The following ARHGAP15 variants were observed in gnomAD, a reference collection of about 807,000 sequenced individuals.
ARHGAP15 encodes rho GTPase-activating protein 15.
In ARHGAP15, 51 loss-of-function variants were observed where a neutral mutation model predicts 63.7. The ratio of observed to expected loss-of-function variants is 0.80; its 90% CI spans 0.64 to 1.01. The LOEUF is 1.01. Among genes scored for constraint, ARHGAP15 ranks in the 50% least tolerant of loss-of-function variants. The pLI, the probability that ARHGAP15 is intolerant of heterozygous loss-of-function variation, is 0.00. For synonymous variants in ARHGAP15, 191 were observed against 193.8 expected, an observed-to-expected ratio of 0.99 and a Z score of 0.12; for missense variants, 560 against 564.6, an observed-to-expected ratio of 0.99 and a Z score of 0.08.
At chr2:143,501,706 T>C (rs36097101) in intron 9 of ARHGAP15, among the ~76,000 whole-genome samples, 40,268 of 152,136 alleles carry the variant, frequency 0.26, 6,126 homozygotes, top group East Asian at 0.71. Flanking sequence ...TGGTTAGAAA[T>C]ATACTACTAA....
chr2:143,549,200 T>G (rs1695457848), intron 10 of ARHGAP15, among the ~76,000 whole-genome samples: 1 of 152,188 alleles, frequency 6.6e-6, no homozygotes, highest in Admixed American at 6.6e-5. Context: ...TTAAAGTTCT[T>G]TTTTATGAAA....
At chr2:143,760,174 C>A (rs1390398012) in intron 13 of ARHGAP15, among the ~76,000 whole-genome samples, 2 of 152,130 alleles carry the variant, frequency 1.3e-5, no homozygotes, top group African/African-American at 2.4e-5. Context: ...TAAATGGTTA[C>A]ATCGAGTTCC....
At chr2:143,155,347 C>T in intron 1 of ARHGAP15, 130 bp from the exon 2 acceptor site, 2 of 837,950 alleles carry the variant, frequency 2.4e-6, no homozygotes, top group Non-Finnish European at 3.5e-6. Flanking sequence ...TTTTTCTTCA[C>T]TAGTCAGAGA....
intron 12 of ARHGAP15, among the ~76,000 whole-genome samples, chr2:143,693,646 A>C (rs905521552): frequency 6.6e-6 from 1 of 152,180 alleles, no homozygotes; most frequent in Non-Finnish European, 1.5e-5. Flanking sequence ...ACTTGAACTC[A>C]TGGTTTTAAA....
chr2:143,751,197 G>T (rs1462980858), intron 13 of ARHGAP15, among the ~76,000 whole-genome samples: 1 of 152,210 alleles, frequency 6.6e-6, no homozygotes, highest in Non-Finnish European at 1.5e-5. Flanking sequence ...AAGGTCTGGG[G>T]CATCCAGGGC....
At chr2:143,746,538 G>T (rs115205989) in intron 13 of ARHGAP15, among the ~76,000 whole-genome samples, 32 of 152,302 alleles carry the variant, frequency 2.1e-4, no homozygotes, top group Non-Finnish European at 4.0e-4. Context: ...CCTTTTGGGT[G>T]AGAAAAAGCT....
chr2:143,614,703 C>T (rs1447520461), intron 11 of ARHGAP15, among the ~76,000 whole-genome samples: 4 of 152,154 alleles, frequency 2.6e-5, no homozygotes, highest in Non-Finnish European at 5.9e-5. Flanking sequence ...TTCTTTGAGA[C>T]AGAGATAGAG....
intron 5 of ARHGAP15, among the ~76,000 whole-genome samples, chr2:143,247,860 A>G (rs1411878225): frequency 1.3e-5 from 2 of 152,228 alleles, no homozygotes; most frequent in Non-Finnish European, 2.9e-5. Flanking sequence ...TAAAAAAAAT[A>G]CAAATCTTAA....
intron 12 of ARHGAP15, among the ~76,000 whole-genome samples, chr2:143,679,793 A>C (rs963895136): frequency 1.3e-5 from 2 of 152,010 alleles, no homozygotes; most frequent in Non-Finnish European, 2.9e-5. Flanking sequence ...TTTACAGCTC[A>C]AGTCTTGGCA....
intron 5 of ARHGAP15, chr2:143,235,821 GACTCAC>G (rs1693620789): frequency 8.7e-7 from 1 of 1,151,734 alleles, no homozygotes; most frequent in Non-Finnish European, 1.2e-6. Context: ...CTCAGGCCTT[GACTCAC>G]ACTCCTTGTA....
chr2:143,154,765 A>T (rs886469819), intron 1 of ARHGAP15, among the ~76,000 whole-genome samples: 56 of 151,936 alleles, frequency 3.7e-4, no homozygotes, highest in African/African-American at 1.3e-3. Flanking sequence ...CTTCCTCCAA[A>T]TTCTATTTTT....
At chr2:143,620,013 C>T (rs1419950192) in intron 11 of ARHGAP15, among the ~76,000 whole-genome samples, 2 of 152,190 alleles carry the variant, frequency 1.3e-5, no homozygotes, top group Non-Finnish European at 1.5e-5. Flanking sequence ...TCCTCTAAAA[C>T]AACCAGGCTG....
intron 1 of ARHGAP15, among the ~76,000 whole-genome samples, chr2:143,136,911 A>G (rs1397077375): frequency 6.6e-6 from 1 of 152,062 alleles, no homozygotes; most frequent in Non-Finnish European, 1.5e-5. Flanking sequence ...ACATCAGAAT[A>G]TCTTGAATTC....
At chr2:143,405,433 T>C (rs114095791) in intron 6 of ARHGAP15, among the ~76,000 whole-genome samples, 4,422 of 151,988 alleles carry the variant, frequency 0.029, 78 homozygotes, top group Non-Finnish European at 0.038. Context: ...TTTCATCAAC[T>C]TCAGTAAAAT....
At chr2:143,563,661 T>C (rs1039002548) in intron 11 of ARHGAP15, among the ~76,000 whole-genome samples, 2 of 152,110 alleles carry the variant, frequency 1.3e-5, no homozygotes, top group Admixed American at 6.5e-5. Flanking sequence ...TAACTACTAA[T>C]CCCCAAGAAA....
rs141267797 is a variant in ARHGAP15 at position 143,346,447 on chromosome 2, T to G, written c.475-89154T>G. 2.3e-3 allele frequency among the ~76,000 whole-genome samples: 356 copies of G among 152,258 alleles called. 1 individual carries two copies. The highest frequency in any genetic ancestry group is 2.3e-3 in the Non-Finnish European group (156 of 68,002). Reference sequence around the variant, plus strand: ...TTCTTTATTGTCTGTGAGGCTTCCATGTACTGCAGTAATTTTGAATTGGAT... The same window carrying G: ...TTCTTTATTGTCTGTGAGGCTTCCAGGTACTGCAGTAATTTTGAATTGGAT... On this transcript the variant is annotated intron_variant, in intron 6 of 13. Transcript: ENST00000295095.
At chr2:143,537,358 G>C (rs1252203744) in intron 10 of ARHGAP15, among the ~76,000 whole-genome samples, 1 of 151,972 alleles carries the variant, frequency 6.6e-6, no homozygotes, top group Admixed American at 6.6e-5. Context: ...GGTTTCTTTT[G>C]CTGTGCGGAA....
chr2:143,727,157 G>C (rs1685317780), intron 13 of ARHGAP15, among the ~76,000 whole-genome samples: 1 of 152,206 alleles, frequency 6.6e-6, no homozygotes, highest in Non-Finnish European at 1.5e-5. Flanking sequence ...TGAGAATATT[G>C]ATAGGGTAGA....
At chr2:143,756,076 C>T (rs1212717263) in intron 13 of ARHGAP15, among the ~76,000 whole-genome samples, 1 of 152,062 alleles carries the variant, frequency 6.6e-6, no homozygotes, top group East Asian at 1.9e-4. Context: ...ATTTTTCAGT[C>T]ATTTAAACAA....
Sources: allele counts gnomAD v4.1 joint callset (sites outside exome capture counted in the v4.1 genomes callset), GRCh38; gene constraint gnomAD v4.1.1; transcripts MANE v1.5; gene names NCBI Gene and HGNC (gene_info 2026-07-23, HGNC 2026-07-21).